Variants in IRAG2 observed in about 807,000 individuals in gnomAD.
IRAG2 encodes the protein inositol 1,4,5-triphosphate receptor associated 2.
Under a neutral mutation model 69.9 loss-of-function variants are expected in IRAG2, and 45 were observed. The observed-to-expected ratio is 0.64, with a 90% CI of 0.51 to 0.83. IRAG2 has a LOEUF of 0.83. Ranked by LOEUF, IRAG2 falls within the 40% of genes least tolerant of loss-of-function variation. The pLI is 0.00. For missense variants in IRAG2, 520 were observed against 587.0 expected (o/e 0.89, Z 1.18); for synonymous variants, 193 against 202.4 (o/e 0.95, Z 0.40).
At position 25,108,035 on chromosome 12, in the gene IRAG2, G is replaced by A. The variant is rs543928184; in HGVS notation, c.1475G>A (p.Arg492Gln). 238 of 1,613,928 alleles carry A rather than the reference G, an allele frequency of 1.5e-4. 5 individuals carry two copies. Among genetic ancestry groups the A allele is most frequent in the South Asian group, 1.4e-3 (130 of 90,934 alleles). Residue 492 changes from arginine to glutamine, a missense_variant, in exon 22 of 22, where the codon CGA (arginine) becomes CAA (glutamine). Physicochemically the swap from Arg to Gln is conservative, Grantham distance 43. Transcript: ENST00000556887. ...ATCTTGTGGCCATTTACCAGACTCC[G>A]ACACAATGGGCCACCACCAGTGTGA... is the stretch of plus-strand genomic sequence containing the variant. ...EHILWPFTRLRHNGPPPV is the reference protein window; with the variant it reads ...EHILWPFTRLQHNGPPPV
rs1021808380 is a variant in IRAG2 at position 25,017,029 on chromosome 12, A to C, written c.1056-105A>C. On this transcript the variant is annotated intron_variant, in intron 5 of 38. Coordinates refer to the IRAG2 transcript ENST00000636465. Reference sequence around the variant, plus strand: ...GATGAGGGTAAAGTTAAAAAAAAAAAAACTCACCAGAATATCAAAGTTTGG... The same window carrying C: ...GATGAGGGTAAAGTTAAAAAAAAAACAACTCACCAGAATATCAAAGTTTGG... 28 of 884,282 alleles carry C rather than the reference A, an allele frequency of 3.2e-5. No homozygotes were observed. In the South Asian group the frequency reaches 1.3e-3, roughly 42 times the overall value. 54.8% of individuals were successfully genotyped at this position (884,282 alleles called of 1,614,324 possible).
At chr12:25,012,303 T>C (rs905345656) in intron 3 of IRAG2, among the ~76,000 whole-genome samples, 1 of 151,614 alleles carries the variant, frequency 6.6e-6, no homozygotes, top group Non-Finnish European at 1.5e-5. Flanking sequence ...CACAGGTGTG[T>C]GCCACCATGC....
exon 6 of IRAG2, chr12:25,017,140 G>A (rs1944536091): frequency 4.1e-6 from 5 of 1,231,876 alleles, no homozygotes; most frequent in Middle Eastern, 3.1e-4. Flanking sequence ...GCAGAGAGGT[G>A]TCTGATTTGA....
At chr12:25,091,022 C>T (rs1423144810) in intron 14 of IRAG2, 2 of 190,278 alleles carry the variant, frequency 1.1e-5, no homozygotes, top group South Asian at 7.8e-5. Flanking sequence ...TATTATCCTT[C>T]CATATGGTGA....
intron 1 of IRAG2, 91 bp downstream of exon 1, chr12:25,053,047 A>G (rs1944949436): frequency 2.5e-6 from 1 of 397,202 alleles, no homozygotes; most frequent in Middle Eastern, 6.3e-4. Flanking sequence ...TACAGCTAGG[A>G]TATTATTCCT....
Position 25,101,161 on chromosome 12 carries a change from G to C in IRAG2, c.742-17G>C. ...TAGTATTTTCAATGTAAATGTGCTCGTTTTTTCTCTTGCTAGGAAAGCCGG... is the reference window on the plus strand; with the variant it reads ...TAGTATTTTCAATGTAAATGTGCTCCTTTTTTCTCTTGCTAGGAAAGCCGG... On this transcript the variant is annotated splice_polypyrimidine_tract_variant and intron_variant, in intron 15 of 21. Coordinates refer to ENST00000556887, the MANE Select transcript of IRAG2 (RefSeq NM_001366544.2). 6.3e-7 allele frequency: 1 copy of C among 1,587,664 alleles called. No individual in the cohort carries two copies. Among genetic ancestry groups the C allele is most frequent in the Non-Finnish European group, 8.6e-7 (1 of 1,166,174 alleles).
chr12:25,084,009 G>A (rs1341034988), intron 10 of IRAG2, among the ~76,000 whole-genome samples: 1 of 145,314 alleles, frequency 6.9e-6, no homozygotes, highest in Non-Finnish European at 1.5e-5. Context: ...GGCATTGAAA[G>A]TTTTACAGTT....
intron 6 of IRAG2, among the ~76,000 whole-genome samples, chr12:25,077,352 G>GAGAT (rs1405265840): frequency 1.7e-4 from 4 of 24,062 alleles, no homozygotes; most frequent in East Asian, 3.9e-3. Flanking sequence ...ATATATATAT[G>GAGAT]ATATATATGA....
chr12:25,025,497 T>A (rs1239426522), intron 8 of IRAG2, among the ~76,000 whole-genome samples: 1 of 151,600 alleles, frequency 6.6e-6, no homozygotes, highest in Non-Finnish European at 1.5e-5. Flanking sequence ...GGACTCTGTC[T>A]TTTTTTAAAA....
intron 15 of IRAG2, among the ~76,000 whole-genome samples, chr12:25,100,012 A>AAAAAAAAAAAAAAAAAAAAAAAAAG: frequency 6.7e-6 from 1 of 149,924 alleles, no homozygotes; most frequent in Non-Finnish European, 1.5e-5. Flanking sequence ...AAAAAAAAAA[A>AAAAAAAAAAAAAAAAAAAAAAAAAG]AAAAAAAAAA....
chr12:25,097,211 C>A (rs1948470937), intron 15 of IRAG2, 167 bp downstream of exon 15: 2 of 561,464 alleles, frequency 3.6e-6, no homozygotes, highest in South Asian at 3.7e-5. Context: ...ATGGAATATA[C>A]AAATAAAAAA....
chr12:25,108,136 C>A lies in IRAG2; in HGVS notation c.*76C>A. 6.6e-7 allele frequency: 1 copy of A among 1,509,396 alleles called. No homozygotes were observed. Among genetic ancestry groups the A allele is most frequent in the Admixed American group, 1.8e-5 (1 of 55,840 alleles). The allele number at this position is 1,509,396 out of a possible 1,614,324, so 93.5% of individuals were successfully genotyped here. On this transcript the variant is annotated 3_prime_UTR_variant, in exon 22 of 22. Coordinates refer to ENST00000556887, the MANE Select transcript of IRAG2 (RefSeq NM_001366544.2). The stretch of plus-strand genomic sequence containing the variant: ...AACTTCGTAAATTAGTAACTTTTAG[C>A]TGGGAAAGTATAGCATGAAACCAGA...
At chr12:25,054,334 G>A (rs914059419) in intron 1 of IRAG2, among the ~76,000 whole-genome samples, 1 of 152,162 alleles carries the variant, frequency 6.6e-6, no homozygotes, top group South Asian at 2.1e-4. Flanking sequence ...GGTTTAAGGT[G>A]TGTCTGCTTT....
intron 21 of IRAG2, 94 bp downstream of exon 21, chr12:25,107,144 G>T: frequency 1.9e-6 from 1 of 538,488 alleles, no homozygotes; most frequent in Non-Finnish European, 3.2e-6. Flanking sequence ...ATTACTAAAA[G>T]ACATGCCAAA....
intron 14 of IRAG2, among the ~76,000 whole-genome samples, chr12:25,094,590 T>C (rs905394767): frequency 6.6e-6 from 1 of 152,182 alleles, no homozygotes; most frequent in Non-Finnish European, 1.5e-5. Flanking sequence ...TAAATTTTTC[T>C]ATTTCTGCAA....
At chr12:25,020,722 C>A in intron 6 of IRAG2, 1 of 696,474 alleles carries the variant, frequency 1.4e-6, no homozygotes, top group Non-Finnish European at 2.0e-6. Flanking sequence ...TAGTCCTTGG[C>A]TGTTCTTAGT....
At chr12:25,027,528 G>A (rs1944633185) in intron 9 of IRAG2, among the ~76,000 whole-genome samples, 1 of 151,422 alleles carries the variant, frequency 6.6e-6, no homozygotes, top group Non-Finnish European at 1.5e-5. Flanking sequence ...CCGAGTAGCT[G>A]GGCCTACAGG....
chr12:25,107,094 GA>G, intron 21 of IRAG2, 44 bp downstream of exon 21: 1 of 1,091,920 alleles, frequency 9.2e-7, no homozygotes, highest in Non-Finnish European at 1.4e-6. Flanking sequence ...AGTGGAATGG[GA>G]AAGGGTGAGG....
At chr12:25,012,829 G>A (rs1944487876) in intron 3 of IRAG2, among the ~76,000 whole-genome samples, 1 of 152,136 alleles carries the variant, frequency 6.6e-6, no homozygotes, top group African/African-American at 2.4e-5. Flanking sequence ...GTCTCAAAAA[G>A]AGAGAAAATG....
Sources: gnomAD v4.1 joint callset for allele counts (sites outside exome capture counted in the v4.1 genomes callset) on GRCh38, gnomAD v4.1.1 for gene constraint, MANE v1.5 for transcripts, NCBI Gene and HGNC (gene_info 2026-07-23, HGNC 2026-07-21) for gene names.